IGFL2: variants seen among roughly 807,000 people sequenced by gnomAD.
The protein encoded by IGFL2 is IGF like family member 2, also known as insulin growth factor-like family member 2.
A neutral mutation model predicts 13.9 loss-of-function variants in IGFL2; 7 were observed. The observed-to-expected ratio is 0.51, with a 90% CI of 0.29 to 0.95. The LOEUF is 0.95. IGFL2 is among the 40% of genes least tolerant of loss of function. The probability of loss-of-function intolerance (pLI) is 0.08; values close to 1 mark genes in which losing one functional copy is unlikely to be tolerated. For synonymous variants in IGFL2, 55 were observed against 55.8 expected (o/e 0.99, Z 0.07); for missense variants, 138 against 147.8 (o/e 0.93, Z 0.34).
At chr19:46,079,279 G>C in the IGFL2 span, among the ~76,000 whole-genome samples, 1,634 of 151,536 alleles carry the variant, frequency 0.011, 30 homozygotes, top group Middle Eastern at 0.017. Context: ...CTGCTCGTTG[G>C]GTGGGACAAG....
chr19:46,087,901 C>T, the IGFL2 span, among the ~76,000 whole-genome samples: 2 of 152,158 alleles, frequency 1.3e-5, no homozygotes, highest in East Asian at 3.9e-4. Context: ...TACAATGGTG[C>T]CTTGATGCAG....
At chr19:46,201,283 A>G in the IGFL2 span, among the ~76,000 whole-genome samples, 33 of 152,360 alleles carry the variant, frequency 2.2e-4, no homozygotes, top group African/African-American at 5.8e-4. Context: ...GGCCTGGGCC[A>G]TGGTCAGTGC....
At position 46,155,854 on chromosome 19, in the gene IGFL2, C is replaced by T. The variant is rs76992901; in HGVS notation, c.20-4561C>T. Among the ~76,000 whole-genome samples the T allele has an allele frequency of 4.5e-3, 682 of 152,216 alleles. 25 individuals carry two copies. Among genetic ancestry groups the T allele is most frequent in the Admixed American group, 0.036 (552 of 15,292 alleles). ...TCCATTGATAAAATTATTTATCTTT[C>T]GCAATACCACGCTCTAAATTATTAT... On this transcript the variant is annotated intron_variant, in intron 1 of 3. Coordinates refer to ENST00000377693, the MANE Select transcript of IGFL2 (RefSeq NM_001135113.2).
At chr19:46,148,777 G>A in intron 1 of IGFL2, 2 of 1,237,986 alleles carry the variant, frequency 1.6e-6, no homozygotes, top group Non-Finnish European at 2.2e-6. Context: ...GATAGGGTTG[G>A]GGGCTCCCAG....
the IGFL2 span, among the ~76,000 whole-genome samples, chr19:46,127,174 C>T: frequency 6.6e-6 from 1 of 152,020 alleles, no homozygotes; most frequent in Non-Finnish European, 1.5e-5. Flanking sequence ...CAGCTTAAAG[C>T]CAGGAGTTCA....
At chr19:46,124,148 CAG>C in the IGFL2 span, 3 of 1,610,290 alleles carry the variant, frequency 1.9e-6, no homozygotes, top group Non-Finnish European at 2.5e-6. Context: ...CCTGAGCCAA[CAG>C]GAGCGTCTGG....
At chr19:46,147,971 G>A (rs1009849136), upstream of IGFL2, 5 of 347,488 alleles carry the variant, frequency 1.4e-5, no homozygotes, top group East Asian at 9.0e-5. Flanking sequence ...TCTCTTTGCC[G>A]TGGGCAGAGT....
At chr19:46,098,254 A>C in the IGFL2 span, among the ~76,000 whole-genome samples, 1 of 152,176 alleles carries the variant, frequency 6.6e-6, no homozygotes, top group African/African-American at 2.4e-5. Context: ...ACGATTATGT[A>C]ATGCCCTTCT....
chr19:46,096,087 T>C, the IGFL2 span, among the ~76,000 whole-genome samples: 3 of 152,202 alleles, frequency 2.0e-5, no homozygotes, highest in African/African-American at 7.2e-5. Flanking sequence ...GGGAATATCA[T>C]TGAATCTATA....
chr19:46,204,938 C>G, the IGFL2 span: 2 of 137,078 alleles, frequency 1.5e-5, no homozygotes. Context: ...CCACCACACT[C>G]AGGTATTTTT....
At chr19:46,190,288 TC>T in the IGFL2 span, 6 of 152,214 alleles carry the variant, frequency 3.9e-5, 1 homozygote. Flanking sequence ...CATTCACCTG[TC>T]CTCAGTTGTC....
chr19:46,178,150 G>T, the IGFL2 span, among the ~76,000 whole-genome samples: 1 of 152,094 alleles, frequency 6.6e-6, no homozygotes, highest in Non-Finnish European at 1.5e-5. Context: ...GGTGGCGCAT[G>T]CCTGTAATCC....
the IGFL2 span, chr19:46,209,163 A>T: frequency 6.6e-6 from 1 of 152,366 alleles, no homozygotes; most frequent in East Asian, 1.9e-4. Context: ...GCATCCACTG[A>T]CACAGAGTAA....
chr19:46,106,140 G>A, the IGFL2 span, among the ~76,000 whole-genome samples: 9 of 152,108 alleles, frequency 5.9e-5, no homozygotes, highest in African/African-American at 1.2e-4. Context: ...GAGATTAGCC[G>A]GACACAATCA....
At chr19:46,208,684 C>A in the IGFL2 span, 1 of 152,006 alleles carries the variant, frequency 6.6e-6, no homozygotes, top group African/African-American at 2.4e-5. Flanking sequence ...TGGGGGAGTT[C>A]TCAGGAGATC....
the IGFL2 span, among the ~76,000 whole-genome samples, chr19:46,089,294 A>T: frequency 2.6e-5 from 4 of 152,268 alleles, no homozygotes; most frequent in African/African-American, 9.6e-5. Flanking sequence ...TTGTATTTTG[A>T]ATTTTGATGT....
the IGFL2 span, among the ~76,000 whole-genome samples, chr19:46,186,597 C>G: frequency 6.6e-6 from 1 of 152,186 alleles, no homozygotes; most frequent in African/African-American, 2.4e-5. Flanking sequence ...CATCACATCC[C>G]GTTTCTCCTA....
upstream of IGFL2, among the ~76,000 whole-genome samples, chr19:46,139,010 G>C (rs1249544775): frequency 6.6e-6 from 1 of 152,080 alleles, no homozygotes; most frequent in Non-Finnish European, 1.5e-5. Flanking sequence ...CTCTGCCAGC[G>C]CAAATGTCCA....
the IGFL2 span, among the ~76,000 whole-genome samples, chr19:46,088,023 C>T: frequency 5.9e-5 from 9 of 152,200 alleles, no homozygotes; most frequent in East Asian, 1.7e-3. Context: ...CTGAGGGGCT[C>T]TCCTGTGGCT....
Sources: allele counts gnomAD v4.1 joint callset (sites outside exome capture counted in the v4.1 genomes callset), GRCh38; gene constraint gnomAD v4.1.1; transcripts MANE v1.5; gene names NCBI Gene and HGNC (gene_info 2026-07-23, HGNC 2026-07-21).